GDAP1: variants seen among roughly 807,000 people sequenced by gnomAD.
The protein encoded by GDAP1 is ganglioside induced differentiation associated protein 1.
GDAP1 carries 34 observed loss-of-function variants against 40.1 expected under a neutral mutation model. That is an observed-to-expected ratio of 0.85 (90% CI 0.64 to 1.13). The LOEUF is 1.13. GDAP1 is among the 50% of genes most tolerant of loss of function. GDAP1 has a pLI of 0.00. For missense variants in GDAP1, 374 were observed against 433.7 expected (o/e 0.86, Z 1.22); for synonymous variants, 170 against 157.4 (o/e 1.08, Z -0.60).
intron 2 of GDAP1, among the ~76,000 whole-genome samples, chr8:74,465,336 T>A (rs377360316): frequency 6.6e-6 from 1 of 152,214 alleles, no homozygotes; most frequent in East Asian, 1.9e-4. Context: ...AAGCCAGAAG[T>A]TTAGGAGTCA....
intron 2 of GDAP1, among the ~76,000 whole-genome samples, chr8:74,405,080 G>A (rs1805619717): frequency 6.7e-6 from 1 of 150,110 alleles, no homozygotes; most frequent in African/African-American, 2.5e-5. Context: ...GAGGTTTAAT[G>A]GACTCACAGT....
chr8:74,395,392 A>G (rs1266883049), intron 2 of GDAP1, among the ~76,000 whole-genome samples: 1 of 152,152 alleles, frequency 6.6e-6, no homozygotes, highest in Non-Finnish European at 1.5e-5. Context: ...CTGGGTATTA[A>G]ACACCCAGAA....
rs2131526517 is a variant in GDAP1, at chr8:74,366,144, G to A, written c.*1777G>A. 1 of 452,150 alleles carries A rather than the reference G, an allele frequency of 2.2e-6. No individual in the cohort carries two copies. Among genetic ancestry groups the A allele is most frequent in the South Asian group, 1.6e-5 (1 of 63,324 alleles). 28.0% of individuals were successfully genotyped at this position (452,150 alleles called of 1,614,324 possible). Reference sequence around the variant, plus strand: ...CAATTTATATTATTCCTGAATCATAGGGAATCTTTCTAGAATGTGTTTATA... The same window carrying A: ...CAATTTATATTATTCCTGAATCATAAGGAATCTTTCTAGAATGTGTTTATA... On this transcript the variant is annotated 3_prime_UTR_variant, in exon 6 of 6. Coordinates refer to ENST00000220822, the MANE Select transcript of GDAP1 (RefSeq NM_018972.4).
chr8:74,403,895 C>T lies in GDAP1; in HGVS notation c.165+52574C>T, dbSNP rs1316719881. Among the ~76,000 whole-genome samples, 3 of 149,994 alleles carry T rather than the reference C, an allele frequency of 2.0e-5. 1 individual carries two copies. Among genetic ancestry groups the T allele is most frequent in the African/African-American group, 5.1e-5 (2 of 39,392 alleles). ...ATAAAGCTTTGACAGTCTATATCTG[C>T]AAAGTTTTGTCTTTTATTCTCTTTG... On this transcript the variant is annotated intron_variant, in intron 2 of 2. Transcript: ENST00000523640.
At chr8:74,428,472 T>TA (rs1805981741) in intron 2 of GDAP1, among the ~76,000 whole-genome samples, 1 of 150,898 alleles carries the variant, frequency 6.6e-6, no homozygotes, top group African/African-American at 2.4e-5. Context: ...TTGTTTTGTT[T>TA]TTTTTTTTTT....
intron 2 of GDAP1, among the ~76,000 whole-genome samples, chr8:74,469,561 G>A (rs903622743): frequency 2.0e-5 from 3 of 151,928 alleles, no homozygotes; most frequent in African/African-American, 7.3e-5. Flanking sequence ...CCAGCTACTC[G>A]GGAGGCTGAG....
chr8:74,439,243 A>G (rs1423485829), intron 2 of GDAP1, among the ~76,000 whole-genome samples: 1 of 152,060 alleles, frequency 6.6e-6, no homozygotes, highest in South Asian at 2.1e-4. Flanking sequence ...GTGTGTGTGT[A>G]TATACACATA....
intron 2 of GDAP1, among the ~76,000 whole-genome samples, chr8:74,398,673 T>C (rs189211770): frequency 1.3e-5 from 2 of 152,304 alleles, no homozygotes; most frequent in Admixed American, 1.3e-4. Flanking sequence ...CAGTATGATA[T>C]TGGCTGTGGG....
intron 2 of GDAP1, among the ~76,000 whole-genome samples, chr8:74,398,287 C>T (rs536687663): frequency 4.6e-5 from 7 of 152,224 alleles, no homozygotes; most frequent in South Asian, 2.1e-4. Flanking sequence ...AGGATTGCAA[C>T]CCCTGCCTTT....
chr8:74,394,900 A>C (rs1810170248), intron 2 of GDAP1, among the ~76,000 whole-genome samples: 1 of 152,170 alleles, frequency 6.6e-6, no homozygotes, highest in Non-Finnish European at 1.5e-5. Context: ...GTGAAACCCA[A>C]AGTGGAGCAA....
chr8:74,417,757 CAAAAAAAAAA>C (rs71269993), intron 2 of GDAP1, among the ~76,000 whole-genome samples: 4 of 75,938 alleles, frequency 5.3e-5, no homozygotes, highest in Admixed American at 3.1e-4. Flanking sequence ...AACTCCATCT[CAAAAAAAAAA>C]AAAAAAAAAA....
At chr8:74,457,583 C>T (rs533558387) in intron 2 of GDAP1, among the ~76,000 whole-genome samples, 2 of 152,024 alleles carry the variant, frequency 1.3e-5, no homozygotes, top group Middle Eastern at 3.4e-3. Context: ...TTTGTTCAGG[C>T]GGAATAAACA....
intron 2 of GDAP1, among the ~76,000 whole-genome samples, chr8:74,399,045 A>C (rs1810266329): frequency 6.6e-6 from 1 of 152,052 alleles, no homozygotes; most frequent in Non-Finnish European, 1.5e-5. Context: ...CTTTGGTGTC[A>C]GGATGATACT....
chr8:74,410,266 A>G (rs910180227), intron 2 of GDAP1, among the ~76,000 whole-genome samples: 2 of 149,936 alleles, frequency 1.3e-5, no homozygotes, highest in Admixed American at 1.3e-4. Flanking sequence ...GAAGAAAAAT[A>G]GCAAGAGGAA....
At chr8:74,362,658 G>A (rs972439767) in intron 4 of GDAP1, among the ~76,000 whole-genome samples, 2 of 151,970 alleles carry the variant, frequency 1.3e-5, no homozygotes, top group African/African-American at 2.4e-5. Flanking sequence ...ATGGCTCTTC[G>A]TGTCCCTCCC....
At chr8:74,420,955 C>G (rs1805849825) in intron 2 of GDAP1, among the ~76,000 whole-genome samples, 1 of 151,886 alleles carries the variant, frequency 6.6e-6, no homozygotes, top group African/African-American at 2.4e-5. Flanking sequence ...TCTTTTCCAT[C>G]CTGAAACTCT....
chr8:74,471,764 G>A (rs1002830857), intron 2 of GDAP1, among the ~76,000 whole-genome samples: 28 of 152,012 alleles, frequency 1.8e-4, no homozygotes, highest in Admixed American at 4.6e-4. Flanking sequence ...CATTGTAATC[G>A]TGCAGTCTGT....
intron 2 of GDAP1, among the ~76,000 whole-genome samples, chr8:74,434,427 C>T (rs13265460): frequency 0.99 from 150,969 of 152,282 alleles, 74,850 homozygotes; most frequent in Middle Eastern, 1. Flanking sequence ...TCAGTATATA[C>T]TGAAGATTTA....
At chr8:74,359,422 C>T (rs1010274593) in intron 2 of GDAP1, among the ~76,000 whole-genome samples, 1 of 152,194 alleles carries the variant, frequency 6.6e-6, no homozygotes, top group Non-Finnish European at 1.5e-5. Flanking sequence ...TGGATTTTAA[C>T]TAGCAAATAA....
Sources: allele counts gnomAD v4.1 joint callset (sites outside exome capture counted in the v4.1 genomes callset), GRCh38; gene constraint gnomAD v4.1.1; transcripts MANE v1.5; gene names NCBI Gene and HGNC (gene_info 2026-07-23, HGNC 2026-07-21).